The following STK32C variants were observed in gnomAD, a reference collection of about 807,000 sequenced individuals.
STK32C encodes serine/threonine kinase 32C.
A neutral mutation model predicts 56.5 loss-of-function variants in STK32C; 31 were observed. The observed-to-expected ratio is 0.55, with a 90% CI of 0.41 to 0.74. The LOEUF (loss-of-function observed/expected upper bound fraction) is 0.74, where lower values mean the gene tolerates loss of function less well. STK32C is among the 30% of genes least tolerant of loss of function. The pLI, the probability that STK32C is intolerant of heterozygous loss-of-function variation, is 0.00. For missense variants in STK32C, 544 were observed against 676.9 expected (o/e 0.80, Z 2.18); for synonymous variants, 309 against 289.4 (o/e 1.07, Z -0.69).
At chr10:132,223,018 G>A (rs1250870309) in intron 8 of STK32C, 32 bp from the exon 9 acceptor site, 4 of 1,538,112 alleles carry the variant, frequency 2.6e-6, no homozygotes, top group Non-Finnish European at 3.5e-6. Flanking sequence ...AGGGTCCAGG[G>A]CCCACAGCCC....
chr10:132,257,846 G>A (rs1463615325), intron 1 of STK32C, among the ~76,000 whole-genome samples: 1 of 152,026 alleles, frequency 6.6e-6, no homozygotes, highest in Non-Finnish European at 1.5e-5. Flanking sequence ...CCTGCAGGTG[G>A]GACTCAGGGC....
At chr10:132,326,939 A>G (rs1336292319) in intron 1 of STK32C, among the ~76,000 whole-genome samples, 2 of 152,254 alleles carry the variant, frequency 1.3e-5, no homozygotes, top group African/African-American at 4.8e-5. Flanking sequence ...AACATCACAC[A>G]TAACTTATGG....
intron 2 of STK32C, among the ~76,000 whole-genome samples, chr10:132,243,389 G>C (rs530642365): frequency 6.6e-6 from 1 of 152,278 alleles, no homozygotes; most frequent in East Asian, 1.9e-4. Flanking sequence ...GGGGCGAGGC[G>C]GGGGTGGAGA....
At chr10:132,257,092 G>T (rs1166079225) in intron 1 of STK32C, among the ~76,000 whole-genome samples, 1 of 152,276 alleles carries the variant, frequency 6.6e-6, no homozygotes, top group East Asian at 1.9e-4. Flanking sequence ...TGCACCAAGG[G>T]CCACACTCAG....
intron 8 of STK32C, among the ~76,000 whole-genome samples, chr10:132,223,324 A>G (rs73401744): frequency 0.057 from 8,691 of 152,204 alleles, 486 homozygotes; most frequent in East Asian, 0.21. Context: ...CACTCGGCAC[A>G]TGGCTGGCCT....
chr10:132,331,937 C>T (rs1270386501), upstream of STK32C: 3 of 591,164 alleles, frequency 5.1e-6, no homozygotes, highest in South Asian at 2.5e-5. Flanking sequence ...GCAAGCGCAA[C>T]CCCCCGCCCC....
chr10:132,257,869 A>C (rs1038917410), intron 1 of STK32C, among the ~76,000 whole-genome samples: 1 of 151,974 alleles, frequency 6.6e-6, no homozygotes, highest in Non-Finnish European at 1.5e-5. Flanking sequence ...TCGAGCCTCC[A>C]CTGTGCAGCC....
Position 132,307,735 on chromosome 10 carries a change from C to T in STK32C, c.99G>A (p.Ser33=). ...RARPAGSDAP[S]ALPPPAAGQP... ...GGCCAGCAGCGGGCGGCGGCAGGGC[C>T]GAGGGCGCGTCGGAGCCGGCGGGGC... The change falls in exon 1 of 12, where the codon TCG becomes TCA. Residue 33 remains serine (S), a synonymous_variant. Transcript: ENST00000298630. This position sits in a 1 kb window ranked among gnomAD's most constrained non-coding sequence, Gnocchi z 4.4. 1 of 1,141,146 alleles carries T rather than the reference C, an allele frequency of 8.8e-7. No homozygotes were observed. Among genetic ancestry groups the T allele is most frequent in the African/African-American group, 1.6e-5 (1 of 61,356 alleles). 70.7% of individuals were successfully genotyped at this position (1,141,146 alleles called of 1,614,324 possible). A position where few individuals can be genotyped will look rare whatever the true frequency, so the allele number is the denominator to read the frequency against.
intron 8 of STK32C, 115 bp downstream of exon 8, chr10:132,224,292 T>C: frequency 2.6e-6 from 2 of 766,704 alleles, no homozygotes; most frequent in Middle Eastern, 3.5e-4. Context: ...AAGGGATCTG[T>C]GCCTGCCAGG....
intron 2 of STK32C, among the ~76,000 whole-genome samples, chr10:132,243,451 G>A (rs1426023792): frequency 1.3e-5 from 2 of 152,092 alleles, no homozygotes; most frequent in African/African-American, 4.8e-5. Flanking sequence ...GGGGCGGAGG[G>A]CAGGCTGGAC....
At chr10:132,282,582 T>A (rs2065249165) in intron 1 of STK32C, among the ~76,000 whole-genome samples, 1 of 152,172 alleles carries the variant, frequency 6.6e-6, no homozygotes, top group African/African-American at 2.4e-5. Context: ...CCCACAGCCA[T>A]GGCTTCACCA....
At chr10:132,314,715 G>A (rs1278109690) in intron 1 of STK32C, among the ~76,000 whole-genome samples, 5 of 152,130 alleles carry the variant, frequency 3.3e-5, no homozygotes, top group South Asian at 2.1e-4. Flanking sequence ...CATAAGAAAG[G>A]TGATGTAGCT....
At chr10:132,287,268 G>T (rs1008748912) in intron 1 of STK32C, among the ~76,000 whole-genome samples, 3 of 151,886 alleles carry the variant, frequency 2.0e-5, no homozygotes, top group African/African-American at 4.8e-5. Context: ...CAAGGGAGGC[G>T]GATCACTAGG....
chr10:132,296,986 G>A (rs1206306837), intron 1 of STK32C, among the ~76,000 whole-genome samples: 3 of 152,218 alleles, frequency 2.0e-5, no homozygotes, highest in South Asian at 2.1e-4. Context: ...GGCGGACATC[G>A]CCACAGACAG....
At chr10:132,238,931 C>T (rs2063398707) in intron 2 of STK32C, among the ~76,000 whole-genome samples, 1 of 152,188 alleles carries the variant, frequency 6.6e-6, no homozygotes, top group Non-Finnish European at 1.5e-5. Context: ...TGGGCGGAGA[C>T]CAGGCTGCAG....
chr10:132,327,821 C>T (rs1456183281), intron 1 of STK32C, among the ~76,000 whole-genome samples: 1 of 152,088 alleles, frequency 6.6e-6, no homozygotes, highest in African/African-American at 2.4e-5. Flanking sequence ...ACCACCAACA[C>T]TTCATAGACC....
At chr10:132,297,512 T>A (rs1451492933) in intron 1 of STK32C, among the ~76,000 whole-genome samples, 2 of 152,252 alleles carry the variant, frequency 1.3e-5, no homozygotes, top group African/African-American at 4.8e-5. Context: ...GAACAGATTT[T>A]TTTTCCTCCC....
Position 132,329,286 on chromosome 10 carries a change from T to C in STK32C, c.301+2150A>G, listed in dbSNP as rs185972489. Among the ~76,000 whole-genome samples the C allele has an allele frequency of 5.8e-3, 878 of 152,244 alleles. 13 individuals are homozygous for C. The highest frequency in any genetic ancestry group is 0.02 in the African/African-American group (849 of 41,552). ...AAAATTAGCCCAGTGTGGTGGCACA[T>C]GCCTGTAGTCTCAGCTACTTGAGGG... On this transcript the variant is annotated intron_variant, in intron 1 of 1. Coordinates refer to the STK32C transcript ENST00000368619.
chr10:132,253,541 G>C (rs1371003113), intron 1 of STK32C, among the ~76,000 whole-genome samples: 1 of 134,082 alleles, frequency 7.5e-6, no homozygotes, highest in Admixed American at 7.0e-5. Context: ...GAGCTGGAGG[G>C]AGTCGAGGGA....
Sources: gnomAD v4.1 joint callset for allele counts (sites outside exome capture counted in the v4.1 genomes callset) on GRCh38, gnomAD v4.1.1 for gene constraint, Gnocchi (gnomAD v3.1) non-coding constraint, MANE v1.5 for transcripts, NCBI Gene and HGNC (gene_info 2026-07-23, HGNC 2026-07-21) for gene names.